The following LRRK1 variants were observed in gnomAD, a reference collection of about 807,000 sequenced individuals.
LRRK1 encodes the protein leucine rich repeat kinase 1, also known as leucine-rich repeat serine/threonine-protein kinase 1.
LRRK1 carries 113 observed loss-of-function variants against 209.1 expected under a neutral mutation model. The ratio of observed to expected loss-of-function variants is 0.54; its 90% CI spans 0.46 to 0.63. The LOEUF is 0.63. LRRK1 is among the 30% of genes least tolerant of loss of function. The pLI is 0.00. For synonymous variants in LRRK1, 1,144 were observed against 1,099.7 expected (o/e 1.04, Z -0.80); for missense variants, 2,284 against 2,632.2 (o/e 0.87, Z 2.89).
chr15:100,989,041 T>A (rs1258500593), intron 5 of LRRK1, among the ~76,000 whole-genome samples: 2 of 152,240 alleles, frequency 1.3e-5, no homozygotes, highest in Non-Finnish European at 2.9e-5. Flanking sequence ...CTGTGGCTAA[T>A]GGGACTGTTG....
chr15:100,949,787 G>A (rs968527634), intron 2 of LRRK1, among the ~76,000 whole-genome samples: 3 of 151,934 alleles, frequency 2.0e-5, no homozygotes, highest in African/African-American at 7.3e-5. Flanking sequence ...AATAGACACA[G>A]AAAAGCATTT....
chr15:100,925,718 GA>G (rs1370212237), intron 2 of LRRK1, among the ~76,000 whole-genome samples: 4 of 152,164 alleles, frequency 2.6e-5, no homozygotes, highest in Non-Finnish European at 5.9e-5. Flanking sequence ...AGAACTTTAC[GA>G]AATAATGTCA....
At chr15:100,945,603 C>T (rs764301976) in intron 2 of LRRK1, among the ~76,000 whole-genome samples, 5 of 145,100 alleles carry the variant, frequency 3.4e-5, no homozygotes, top group African/African-American at 1.3e-4. Context: ...AAATGATTAT[C>T]CTGCCTCAGC....
At chr15:100,950,240 A>G (rs953208155) in intron 2 of LRRK1, among the ~76,000 whole-genome samples, 53 of 152,272 alleles carry the variant, frequency 3.5e-4, no homozygotes, top group African/African-American at 1.3e-3. Flanking sequence ...AAACACATTT[A>G]CAATAGTATC....
At chr15:100,947,422 GA>G (rs2042563938) in intron 2 of LRRK1, among the ~76,000 whole-genome samples, 1 of 152,126 alleles carries the variant, frequency 6.6e-6, no homozygotes, top group Non-Finnish European at 1.5e-5. Context: ...TTACAGATTG[GA>G]AAAATCAGAA....
At position 100,988,662 on chromosome 15, in the gene LRRK1, C is replaced by G; in HGVS notation, c.462C>G (p.Asn154Lys). 4 of 1,614,224 alleles carry G rather than the reference C, an allele frequency of 2.5e-6. No homozygotes were observed. In the East Asian group the frequency reaches 6.7e-5, roughly 27 times the overall value. ...PGPCSPQRLLNWMLALACQRG... is the reference protein window; with the variant it reads ...PGPCSPQRLLKWMLALACQRG... ...CCTGCAGTCCCCAGCGGCTTCTGAA[C>G]TGGATGCTGGCCTTGGCTTGCCAGC... is the stretch of plus-strand genomic sequence containing the variant. Residue 154 changes from asparagine (N) to lysine (K), a missense_variant, in exon 5 of 34, where the codon AAC becomes AAG. Transcript: ENST00000388948.
intron 6 of LRRK1, among the ~76,000 whole-genome samples, chr15:100,991,355 G>C (rs1389761823): frequency 6.6e-6 from 1 of 152,038 alleles, no homozygotes. Flanking sequence ...ATTTCCCACA[G>C]TGACTCTATT....
chr15:101,023,307 C>T (rs1039035550), intron 15 of LRRK1, among the ~76,000 whole-genome samples: 1 of 152,190 alleles, frequency 6.6e-6, no homozygotes, highest in East Asian at 1.9e-4. Flanking sequence ...TCCAGCCTGG[C>T]GACAGAGCAA....
intron 2 of LRRK1, among the ~76,000 whole-genome samples, chr15:100,925,696 T>C (rs886673941): frequency 2.6e-5 from 4 of 152,240 alleles, no homozygotes; most frequent in Non-Finnish European, 4.4e-5. Context: ...AGGCACTACA[T>C]GTACAAAGTT....
chr15:101,048,382 A>G (rs2035206233), intron 21 of LRRK1, 112 bp from the exon 22 acceptor site: 1 of 903,080 alleles, frequency 1.1e-6, no homozygotes, highest in African/African-American at 1.8e-5. Context: ...AGAGGGTGGG[A>G]AAGATGGGGG....
In LRRK1 at chr15:100,988,771, C is replaced by A; in HGVS notation, c.571C>A (p.Pro191Thr). The change falls in exon 5 of 34, where the codon CCT becomes ACT. Residue 191 changes from proline to threonine, a missense_variant. Physicochemically the swap from Pro to Thr is conservative, Grantham distance 38. This residue lies in a region of LRRK1 where 134 missense variants were observed against 191.7 expected (regional missense o/e 0.70). Coordinates refer to ENST00000388948, the MANE Select transcript of LRRK1 (RefSeq NM_024652.6). ...CTACGCTGTCAGGAAGAATGAGTTC[C>A]CTGTCATCGTGCGCTTGCCCCTGTA... The part of the protein sequence containing the change: ...ESYAVRKNEF[P>T]VIVRLPLYAA... 1 of 1,611,996 alleles carries A rather than the reference C, an allele frequency of 6.2e-7. No individual in the cohort carries two copies. The highest frequency in any genetic ancestry group is 8.5e-7 in the Non-Finnish European group (1 of 1,178,228).
intron 2 of LRRK1, among the ~76,000 whole-genome samples, chr15:100,945,737 C>T (rs1371239832): frequency 6.6e-6 from 1 of 152,118 alleles, no homozygotes; most frequent in African/African-American, 2.4e-5. Context: ...AGGTGATCCA[C>T]CTGCCTCGGC....
intron 26 of LRRK1, among the ~76,000 whole-genome samples, chr15:101,054,034 A>G (rs2035643329): frequency 1.3e-5 from 2 of 152,176 alleles, no homozygotes; most frequent in African/African-American, 4.8e-5. Flanking sequence ...GCTGGAGGAC[A>G]GTGGTGCAAT....
chr15:101,026,000 G>A lies in LRRK1; in HGVS notation c.2268G>A (p.Gly756=). The A allele has an allele frequency of 1.2e-6, 2 of 1,614,254 alleles. No homozygotes were observed. The highest frequency in any genetic ancestry group is 1.7e-6 in the Non-Finnish European group (2 of 1,180,054). Residue 756 remains glycine, a synonymous_variant, in exon 17 of 34, where the codon GGG becomes GGA. Transcript: ENST00000388948. The part of the protein sequence containing the change: ...KAPNAVVLVV[G]THLDLIEAKF... ...CAAACGCCGTGGTGCTGGTGGTCGG[G>A]ACGCACCTGGATTTAATTGAAGCCA...
intron 31 of LRRK1, chr15:101,064,683 C>CCA (rs1304276806): frequency 6.5e-6 from 1 of 153,466 alleles, no homozygotes; most frequent in African/African-American, 2.4e-5. Flanking sequence ...AGACAGGCCT[C>CCA]CAGAAGAGGG....
chr15:100,990,610 C>A (rs1191170123), intron 6 of LRRK1, among the ~76,000 whole-genome samples: 3 of 151,866 alleles, frequency 2.0e-5, no homozygotes, highest in African/African-American at 7.3e-5. Context: ...TACTGGATAT[C>A]TTTTCATATG....
In LRRK1 at chr15:101,058,618, G is replaced by GGGC. The variant is rs1555479983; in HGVS notation, c.4679+479_4679+480insCGG. Among the ~76,000 whole-genome samples, 86 of 11,238 alleles carry GGGC rather than the reference G, an allele frequency of 7.7e-3. 10 individuals are homozygous for GGGC. The East Asian group carries it at 0.49, about 65-fold the overall frequency. 7.4% of individuals were successfully genotyped at this position (11,238 alleles called of 152,430 possible). ...TGCCCCAGATTGCAGAAGGGGCAAC[G>GGGC]GGGGGGGGCGTCTAAACAGAGTTGG... is the stretch of plus-strand genomic sequence containing the variant. On this transcript the variant is annotated intron_variant, in intron 29 of 33. Coordinates refer to ENST00000388948, the MANE Select transcript of LRRK1 (RefSeq NM_024652.6).
At chr15:100,939,656 G>C (rs774694392) in intron 2 of LRRK1, among the ~76,000 whole-genome samples, 1 of 152,196 alleles carries the variant, frequency 6.6e-6, no homozygotes, top group Non-Finnish European at 1.5e-5. Context: ...ATTTGAGGTT[G>C]CAAAGTGGTG....
intron 21 of LRRK1, among the ~76,000 whole-genome samples, 165 bp from the exon 22 acceptor site, chr15:101,048,329 A>G (rs1311583820): frequency 6.6e-6 from 1 of 152,186 alleles, no homozygotes; most frequent in Admixed American, 6.5e-5. Flanking sequence ...CCGTCAGCTA[A>G]TGTAACGTTC....
Sources: gnomAD v4.1 joint callset for allele counts (sites outside exome capture counted in the v4.1 genomes callset) on GRCh38, gnomAD v4.1.1 for gene constraint, gnomAD v4.1.1 regional missense constraint, MANE v1.5 for transcripts, NCBI Gene and HGNC (gene_info 2026-07-23, HGNC 2026-07-21) for gene names.